Variants in STAM2 observed in about 807,000 individuals in gnomAD.
STAM2 encodes the protein signal transducing adaptor molecule 2.
Under a neutral mutation model 65.6 loss-of-function variants are expected in STAM2, and 51 were observed. That is an observed-to-expected ratio of 0.78 (90% CI 0.62 to 0.98). The LOEUF is 0.98. STAM2 is among the 50% of genes least tolerant of loss of function. The probability of loss-of-function intolerance (pLI) is 0.00; values close to 1 mark genes in which losing one functional copy is unlikely to be tolerated. For missense variants in STAM2, 584 were observed against 617.8 expected, an observed-to-expected ratio of 0.95 and a Z score of 0.58; for synonymous variants, 198 against 208.4, an observed-to-expected ratio of 0.95 and a Z score of 0.43.
chr2:152,126,512 T>G, intron 11 of STAM2, 133 bp from the exon 12 acceptor site: 2 of 512,272 alleles, frequency 3.9e-6, no homozygotes, highest in Non-Finnish European at 6.0e-6. Context: ...TGAAAGAATA[T>G]TCACAAAGGG....
Position 152,135,856 on chromosome 2 carries a change from A to G in STAM2, c.705-253T>C, listed in dbSNP as rs374239635. 2.9e-3 allele frequency among the ~76,000 whole-genome samples: 440 copies of G among 152,200 alleles called. 2 individuals carry two copies. In the South Asian group the frequency reaches 0.032, roughly 11 times the overall value. On this transcript the variant is annotated intron_variant, in intron 7 of 13. Coordinates refer to ENST00000263904, the MANE Select transcript of STAM2 (RefSeq NM_005843.6). ...TATAATCCCAACACTTTGGGAGGCC[A>G]AGGTGGACAGATCACCAGAGGTCAG...
Position 152,123,995 on chromosome 2 carries a change from A to G in STAM2, c.1180-60T>C, listed in dbSNP as rs1688909442. The G allele has an allele frequency of 4.3e-6, 6 of 1,389,788 alleles. No individual in the cohort carries two copies. In the East Asian group the frequency reaches 1.4e-4, roughly 32 times the overall value. 86.1% of individuals were successfully genotyped at this position (1,389,788 alleles called of 1,614,324 possible). ...CTCCCAAACATGTGCCTAATAATAT[A>G]TTTAAAATGTTAAAAGACTTAAAGG... On this transcript the variant is annotated intron_variant, in intron 12 of 13. Transcript: ENST00000263904.
rs142810557 is a variant in STAM2 at position 152,137,818 on chromosome 2, T to G, written c.705-2215A>C. ...TACTATGTGAAACTGATCAAAATTT[T>G]ATCTGTAGTATAAAAAGAGCCATTC... On this transcript the variant is annotated intron_variant, in intron 7 of 13. Coordinates refer to ENST00000263904, the MANE Select transcript of STAM2 (RefSeq NM_005843.6). 1.4e-4 allele frequency among the ~76,000 whole-genome samples: 22 copies of G among 152,274 alleles called. No homozygotes were observed. In the East Asian group the frequency reaches 4.0e-3, roughly 28 times the overall value.
At position 152,147,234 on chromosome 2, in the gene STAM2, C is replaced by T; in HGVS notation, c.375G>A (p.Gln125=). ...TAATAGTTGCAGATATCAGACTAAACTGAGGGTCCTTCTGAAATTCTTCTG... is the reference window on the plus strand; with the variant it reads ...TAATAGTTGCAGATATCAGACTAAATTGAGGGTCCTTCTGAAATTCTTCTG... The part of the protein sequence containing the change: ...EWSEEFQKDP[Q]FSLISATIKS... The change falls in exon 5 of 14, where the codon CAG becomes CAA. Residue 125 remains glutamine (Q), a synonymous_variant. Coordinates refer to ENST00000263904, the MANE Select transcript of STAM2 (RefSeq NM_005843.6). 6.2e-7 allele frequency: 1 copy of T among 1,612,314 alleles called. No homozygotes were observed. Among genetic ancestry groups the T allele is most frequent in the Non-Finnish European group, 8.5e-7 (1 of 1,179,314 alleles).
intron 11 of STAM2, among the ~76,000 whole-genome samples, chr2:152,131,220 C>G (rs889609839): frequency 2.0e-5 from 3 of 151,576 alleles, no homozygotes; most frequent in Admixed American, 6.6e-5. Context: ...TTTGAGAGGC[C>G]AAGTTGGGCA....
chr2:152,122,753 A>G (rs1480391217), intron 13 of STAM2, among the ~76,000 whole-genome samples: 2 of 152,134 alleles, frequency 1.3e-5, no homozygotes, highest in Admixed American at 6.6e-5. Flanking sequence ...TCTTAGAGTA[A>G]AAGTGTTTTT....
chr2:152,159,676 A>C lies in STAM2; in HGVS notation c.41-9447T>G, dbSNP rs112830918. On this transcript the variant is annotated intron_variant, in intron 1 of 13. Coordinates refer to ENST00000263904, the MANE Select transcript of STAM2 (RefSeq NM_005843.6). Reference sequence around the variant, plus strand: ...TCCCATTGGAAAAGTATGGTTATTGAAAGTTTTCCTCGTTTTTAAAAGAAC... The same window carrying C: ...TCCCATTGGAAAAGTATGGTTATTGCAAGTTTTCCTCGTTTTTAAAAGAAC... Among the ~76,000 whole-genome samples the C allele has an allele frequency of 2.7e-3, 415 of 152,038 alleles. 2 individuals are homozygous for C. The highest frequency in any genetic ancestry group is 9.6e-3 in the African/African-American group (399 of 41,474).
chr2:152,147,333 T>A, intron 4 of STAM2, 25 bp from the exon 5 acceptor site: 1 of 1,516,222 alleles, frequency 6.6e-7, no homozygotes, highest in South Asian at 1.3e-5. Context: ...GAAAGGAAAA[T>A]AAACAAAAAT....
At chr2:152,127,550 A>C (rs909857162) in intron 11 of STAM2, among the ~76,000 whole-genome samples, 8 of 151,952 alleles carry the variant, frequency 5.3e-5, no homozygotes, top group African/African-American at 1.2e-4. Context: ...TTAAAAAAAA[A>C]CCACACACAC....
intron 13 of STAM2, among the ~76,000 whole-genome samples, chr2:152,122,886 C>T (rs1038925949): frequency 4.0e-5 from 6 of 151,262 alleles, no homozygotes; most frequent in Middle Eastern, 6.5e-3. Context: ...GGCAACATGG[C>T]GAAACCCCAC....
chr2:152,170,793 C>T (rs1013466213), intron 1 of STAM2, among the ~76,000 whole-genome samples: 20 of 152,126 alleles, frequency 1.3e-4, no homozygotes, highest in Admixed American at 4.6e-4. Context: ...GTCAGGAGTT[C>T]GAAACTGGCA....
intron 1 of STAM2, among the ~76,000 whole-genome samples, chr2:152,159,110 T>TATATATATATATATATGTATATAC (rs575009275): frequency 7.7e-6 from 1 of 129,234 alleles, no homozygotes; most frequent in East Asian, 3.1e-4. Flanking sequence ...TATATATATA[T>TATATATATATATATATGTATATAC]ACACACACAG....
chr2:152,160,242 A>G (rs1252559644), intron 1 of STAM2, among the ~76,000 whole-genome samples: 3 of 146,200 alleles, frequency 2.1e-5, no homozygotes, highest in Non-Finnish European at 4.5e-5. Context: ...CTGGAAAGTG[A>G]GGAGCGTCTC....
At chr2:152,131,786 G>A (rs976315329) in intron 11 of STAM2, 5 of 261,606 alleles carry the variant, frequency 1.9e-5, no homozygotes, top group African/African-American at 9.1e-5. Flanking sequence ...GATGGGCACG[G>A]CATGCAGAAA....
chr2:152,148,520 A>C (rs987109378), intron 2 of STAM2, among the ~76,000 whole-genome samples: 2 of 152,174 alleles, frequency 1.3e-5, no homozygotes, highest in Non-Finnish European at 2.9e-5. Flanking sequence ...AAACTTAAAA[A>C]TTAGCTGGGC....
chr2:152,168,260 A>G (rs2105569276), intron 1 of STAM2, among the ~76,000 whole-genome samples: 1 of 152,198 alleles, frequency 6.6e-6, no homozygotes, highest in South Asian at 2.1e-4. Context: ...TCCCGGGTTC[A>G]AGTGATTCTC....
At position 152,119,932 on chromosome 2, in the gene STAM2, T is replaced by G. The variant is rs1353703025; in HGVS notation, c.*642A>C. ...CTTCTGTAGACAATTATATGCTAATTATTATTCAACATAACAGTGAGAGCA... is the reference window on the plus strand; with the variant it reads ...CTTCTGTAGACAATTATATGCTAATGATTATTCAACATAACAGTGAGAGCA... On this transcript the variant is annotated 3_prime_UTR_variant, in exon 14 of 14. Transcript: ENST00000263904. 2 of 152,638 alleles carry G rather than the reference T, an allele frequency of 1.3e-5. No individual in the cohort carries two copies. Among genetic ancestry groups the G allele is most frequent in the Non-Finnish European group, 2.9e-5 (2 of 68,088 alleles). 9.5% of individuals were successfully genotyped at this position (152,638 alleles called of 1,614,324 possible). A position where few individuals can be genotyped will look rare whatever the true frequency, so the allele number is the denominator to read the frequency against.
chr2:152,134,746 A>T (rs1689124400), intron 8 of STAM2, among the ~76,000 whole-genome samples: 1 of 152,210 alleles, frequency 6.6e-6, no homozygotes, highest in Admixed American at 6.5e-5. Flanking sequence ...TGAGATTGAA[A>T]TGCAATAGTA....
At chr2:152,139,250 G>A (rs1265581434) in intron 7 of STAM2, among the ~76,000 whole-genome samples, 1 of 152,080 alleles carries the variant, frequency 6.6e-6, no homozygotes. Context: ...TCACAACTGA[G>A]TGAAAAACAA....
Sources: gnomAD v4.1 joint callset for allele counts (sites outside exome capture counted in the v4.1 genomes callset) on GRCh38, gnomAD v4.1.1 for gene constraint, MANE v1.5 for transcripts, NCBI Gene and HGNC (gene_info 2026-07-23, HGNC 2026-07-21) for gene names.